EAF1: variants seen among roughly 807,000 people sequenced by gnomAD.
EAF1 encodes ELL associated factor 1.
A neutral mutation model predicts 26.6 loss-of-function variants in EAF1; 19 were observed. The observed-to-expected ratio is 0.71, with a 90% CI of 0.50 to 1.05. EAF1 has a LOEUF of 1.05. EAF1 is among the 50% of genes least tolerant of loss of function. EAF1 has a pLI of 0.00. For missense variants in EAF1, 260 were observed against 335.5 expected, an observed-to-expected ratio of 0.78 and a Z score of 1.76; for synonymous variants, 102 against 120.6, an observed-to-expected ratio of 0.85 and a Z score of 1.01.
chr3:15,433,233 TAAAAAAAAAAAAAA>T (rs11328510), intron 3 of EAF1: 1 of 94,134 alleles, frequency 1.1e-5, no homozygotes, highest in Non-Finnish European at 2.2e-5. Flanking sequence ...TGCTATTATC[TAAAAAAAAAAAAAA>T]AAAAAAAAAG....
In EAF1 at chr3:15,440,356, T is replaced by A. The variant is rs1328273795; in HGVS notation, c.*1201T>A. On this transcript the variant is annotated 3_prime_UTR_variant, in exon 6 of 6. Coordinates refer to ENST00000396842, the MANE Select transcript of EAF1 (RefSeq NM_033083.7). ...TGCCATTTCCAAATGGATCTGTTGT[T>A]GGAGGAAACTGGTTGCTAGTCAATG... 6.6e-6 allele frequency: 1 copy of A among 152,214 alleles called. No homozygotes were observed. Among genetic ancestry groups the A allele is most frequent in the Non-Finnish European group, 1.5e-5 (1 of 68,044 alleles). 9.4% of individuals were successfully genotyped at this position (152,214 alleles called of 1,614,324 possible).
chr3:15,438,197 A>G (rs73144122), intron 5 of EAF1, among the ~76,000 whole-genome samples: 1,672 of 152,362 alleles, frequency 0.011, 16 homozygotes, highest in African/African-American at 0.02. Flanking sequence ...AGTGGTATCA[A>G]CTGGGGTTCT....
chr3:15,428,117 A>T (rs2061767208), intron 1 of EAF1, among the ~76,000 whole-genome samples: 1 of 151,868 alleles, frequency 6.6e-6, no homozygotes, highest in Non-Finnish European at 1.5e-5. Flanking sequence ...AGTCTCAAAC[A>T]CTAGTTCCAA....
At chr3:15,432,604 A>G (rs1416081304) in intron 3 of EAF1, among the ~76,000 whole-genome samples, 1 of 152,196 alleles carries the variant, frequency 6.6e-6, no homozygotes, top group Non-Finnish European at 1.5e-5. Context: ...TAATTTTTTT[A>G]CAAGATACAT....
intron 3 of EAF1, among the ~76,000 whole-genome samples, chr3:15,433,468 T>G (rs747330927): frequency 4.6e-4 from 70 of 152,224 alleles, no homozygotes; most frequent in Non-Finnish European, 9.4e-4. Flanking sequence ...CTAGATGATA[T>G]GCAGAATCTC....
In EAF1 at chr3:15,439,194, A is replaced by G. The variant is rs761516701; in HGVS notation, c.*39A>G. 29 of 1,606,952 alleles carry G rather than the reference A, an allele frequency of 1.8e-5. No individual in the cohort carries two copies. The highest frequency in any genetic ancestry group is 8.5e-7 in the Non-Finnish European group (1 of 1,175,620). The stretch of plus-strand genomic sequence containing the variant: ...GAAACCTACTTTTTGGTGCACAAAC[A>G]TGCCGCAAGACTGAGCTACTTTGGC... On this transcript the variant is annotated 3_prime_UTR_variant, in exon 6 of 6. Transcript: ENST00000396842.
In EAF1 at chr3:15,440,275, G is replaced by T. The variant is rs988502943; in HGVS notation, c.*1120G>T. The T allele has an allele frequency of 6.6e-5, 10 of 152,086 alleles. No homozygotes were observed. The highest frequency in any genetic ancestry group is 2.4e-4 in the African/African-American group (10 of 41,422). 9.4% of individuals were successfully genotyped at this position (152,086 alleles called of 1,614,324 possible). The stretch of plus-strand genomic sequence containing the variant: ...CTGTTTTGTACCTGACTCCCTGACC[G>T]ATTTGTATTTTTTATATACAACTAG... On this transcript the variant is annotated 3_prime_UTR_variant, in exon 6 of 6. Coordinates refer to ENST00000396842, the MANE Select transcript of EAF1 (RefSeq NM_033083.7).
At chr3:15,427,920 C>T in intron 1 of EAF1, 38 bp downstream of exon 1, 3 of 1,468,244 alleles carry the variant, frequency 2.0e-6, no homozygotes, top group East Asian at 2.6e-5. Flanking sequence ...TCGGCCGCTC[C>T]AGCCGCCACA....
In EAF1 at chr3:15,430,984, C is replaced by T. The variant is rs533816908; in HGVS notation, c.198+977C>T. On this transcript the variant is annotated intron_variant, in intron 2 of 5. Coordinates refer to ENST00000396842, the MANE Select transcript of EAF1 (RefSeq NM_033083.7). ...AAACTGCTGTTTGATTACTTGTTAC[C>T]TTTGGCAAGTTACATCATCTCCCTT... 7.9e-5 allele frequency among the ~76,000 whole-genome samples: 12 copies of T among 152,254 alleles called. No homozygotes were observed. In the Middle Eastern group the frequency reaches 0.014, roughly 173 times the overall value.
rs899854955 is a variant in EAF1, at chr3:15,431,959, T to C, written c.199-128T>C. The C allele has an allele frequency of 9.8e-5, 104 of 1,065,624 alleles. 9 individuals carry two copies. The highest frequency in any genetic ancestry group is 6.5e-6 in the Non-Finnish European group (5 of 768,774). 66.0% of individuals were successfully genotyped at this position (1,065,624 alleles called of 1,614,324 possible). A position where few individuals can be genotyped will look rare whatever the true frequency, so the allele number is the denominator to read the frequency against. ...AAACCAGAAGGAGATAAAATAGAAA[T>C]CAGTTCAACCTGTTCTTTTTGAATA... On this transcript the variant is annotated intron_variant, in intron 2 of 5. Coordinates refer to ENST00000396842, the MANE Select transcript of EAF1 (RefSeq NM_033083.7).
intron 5 of EAF1, 97 bp downstream of exon 5, chr3:15,436,672 A>C (rs1157989921): frequency 9.8e-7 from 1 of 1,016,692 alleles, no homozygotes; most frequent in African/African-American, 1.6e-5. Flanking sequence ...TGTTTAAGGC[A>C]TGGGAGAGGA....
chr3:15,428,403 C>G (rs1198698637), intron 1 of EAF1, among the ~76,000 whole-genome samples: 2 of 152,134 alleles, frequency 1.3e-5, no homozygotes, highest in African/African-American at 4.8e-5. Context: ...TGCTTTGTCC[C>G]CTCTACAGCC....
chr3:15,435,669 A>C (rs540476769), intron 4 of EAF1, among the ~76,000 whole-genome samples: 1 of 152,188 alleles, frequency 6.6e-6, no homozygotes, highest in Non-Finnish European at 1.5e-5. Flanking sequence ...TTGATATTTT[A>C]TATCTGTAAA....
At chr3:15,433,397 ATGGTTG>A (rs925913616) in intron 3 of EAF1, among the ~76,000 whole-genome samples, 1 of 152,032 alleles carries the variant, frequency 6.6e-6, no homozygotes, top group African/African-American at 2.4e-5. Flanking sequence ...CCAATATCTG[ATGGTTG>A]TGGTATATTC....
rs1410175365 is a variant in EAF1 at position 15,440,662 on chromosome 3, T to C, written c.*1507T>C. On this transcript the variant is annotated 3_prime_UTR_variant, in exon 6 of 6. Coordinates refer to ENST00000396842, the MANE Select transcript of EAF1 (RefSeq NM_033083.7). ...CTTCATAGAGTCAACTGTTTCATCA[T>C]CATAGTGAGCCCAGAGAGCCACTGC... The C allele has an allele frequency of 6.6e-6, 1 of 152,640 alleles. No individual in the cohort carries two copies. The highest frequency in any genetic ancestry group is 2.4e-5 in the African/African-American group (1 of 41,440). 9.5% of individuals were successfully genotyped at this position (152,640 alleles called of 1,614,324 possible). A position where few individuals can be genotyped will look rare whatever the true frequency, so the allele number is the denominator to read the frequency against.
At position 15,427,808 on chromosome 3, in the gene EAF1, A is replaced by G. The variant is rs781405243; in HGVS notation, c.29A>G (p.Asp10Gly). The G allele has an allele frequency of 7.3e-5, 114 of 1,551,208 alleles. No homozygotes were observed. The highest frequency in any genetic ancestry group is 9.8e-5 in the Non-Finnish European group (112 of 1,146,868). MNGTANPLL[D>G]REEHCLRLGE... ...AATGGGACCGCAAACCCGCTGCTGGACCGCGAGGAACATTGCCTGAGGCTC... is the reference window on the plus strand; with the variant it reads ...AATGGGACCGCAAACCCGCTGCTGGGCCGCGAGGAACATTGCCTGAGGCTC... The change falls in exon 1 of 6, where the codon GAC (aspartate) becomes GGC (glycine). Residue 10 changes from aspartate to glycine, a missense_variant. By Grantham distance (94) the Asp-to-Gly change is moderately conservative. Transcript: ENST00000396842.
chr3:15,437,729 T>C (rs1415948567), intron 5 of EAF1, among the ~76,000 whole-genome samples: 1 of 152,196 alleles, frequency 6.6e-6, no homozygotes, highest in African/African-American at 2.4e-5. Context: ...TGGTACACCT[T>C]CCTTTAAGGA....
chr3:15,427,786 G>A lies in EAF1; in HGVS notation c.7G>A (p.Gly3Arg). Residue 3 changes from glycine (G) to arginine (R), a missense_variant, in exon 1 of 6, where the codon GGG becomes AGG. Transcript: ENST00000396842. ...GCGAGGCAGGTGCGGGGCCATGAAT[G>A]GGACCGCAAACCCGCTGCTGGACCG... is the stretch of plus-strand genomic sequence containing the variant. MN[G>R]TANPLLDREE... 1.3e-6 allele frequency: 2 copies of A among 1,551,324 alleles called. No homozygotes were observed. The highest frequency in any genetic ancestry group is 8.7e-7 in the Non-Finnish European group (1 of 1,146,874).
intron 4 of EAF1, among the ~76,000 whole-genome samples, chr3:15,434,871 G>A (rs1055040491): frequency 1.3e-5 from 2 of 152,212 alleles, no homozygotes; most frequent in Middle Eastern, 3.2e-3. Flanking sequence ...GATTCTAGGT[G>A]TTGGAGGTGA....
Sources: allele counts gnomAD v4.1 joint callset (sites outside exome capture counted in the v4.1 genomes callset), GRCh38; gene constraint gnomAD v4.1.1; transcripts MANE v1.5; gene names NCBI Gene and HGNC (gene_info 2026-07-23, HGNC 2026-07-21).